The following PCDH9 variants were observed in gnomAD, a reference collection of about 807,000 sequenced individuals.
PCDH9 encodes protocadherin-9.
In PCDH9, 24 loss-of-function variants were observed where a neutral mutation model predicts 70.6. That is an observed-to-expected ratio of 0.34 (90% CI 0.25 to 0.48). The LOEUF (loss-of-function observed/expected upper bound fraction) is 0.48. Ranked by LOEUF, PCDH9 falls within the 20% of genes least tolerant of loss-of-function variation. The pLI is 0.99. For missense variants in PCDH9, 1,281 were observed against 1,503.6 expected (o/e 0.85, Z 2.45); for synonymous variants, 562 against 558.5 (o/e 1.01, Z -0.09).
intron 4 of PCDH9, among the ~76,000 whole-genome samples, chr13:66,495,412 C>T (rs1959099254): frequency 6.6e-6 from 1 of 152,086 alleles, no homozygotes; most frequent in Non-Finnish European, 1.5e-5. Flanking sequence ...TTGAAACCAG[C>T]TAAGTACATT....
At chr13:67,049,126 G>C (rs1335171251) in intron 2 of PCDH9, among the ~76,000 whole-genome samples, 1 of 152,044 alleles carries the variant, frequency 6.6e-6, no homozygotes, top group Admixed American at 6.6e-5. Context: ...AGTACTTCTT[G>C]TTCTAATGAA....
chr13:66,764,694 G>A (rs923997158), intron 3 of PCDH9, among the ~76,000 whole-genome samples: 4 of 152,036 alleles, frequency 2.6e-5, no homozygotes, highest in South Asian at 2.1e-4. Flanking sequence ...GCTCTTCAGC[G>A]TTATACAAAT....
intron 2 of PCDH9, among the ~76,000 whole-genome samples, chr13:67,103,159 T>A (rs2086467110): frequency 6.6e-6 from 1 of 152,140 alleles, no homozygotes; most frequent in Non-Finnish European, 1.5e-5. Flanking sequence ...CTAGGTACTA[T>A]ATATATTGAG....
intron 4 of PCDH9, among the ~76,000 whole-genome samples, chr13:66,455,554 A>G (rs1451998998): frequency 1.3e-5 from 2 of 152,086 alleles, no homozygotes; most frequent in Admixed American, 6.6e-5. Flanking sequence ...GAAATAATAA[A>G]TGGATAAAAT....
At chr13:66,364,085 G>C (rs1258423656) in intron 4 of PCDH9, among the ~76,000 whole-genome samples, 1 of 152,074 alleles carries the variant, frequency 6.6e-6, no homozygotes, top group African/African-American at 2.4e-5. Context: ...AACCCAGGAG[G>C]CGGTGGTTGC....
chr13:67,177,014 T>C (rs2088479736), intron 2 of PCDH9, among the ~76,000 whole-genome samples: 1 of 152,038 alleles, frequency 6.6e-6, no homozygotes, highest in Non-Finnish European at 1.5e-5. Context: ...ATGGAAGCAA[T>C]AAGCATTGCT....
At chr13:67,027,552 G>T (rs1594410522) in intron 2 of PCDH9, among the ~76,000 whole-genome samples, 1 of 151,320 alleles carries the variant, frequency 6.6e-6, no homozygotes, top group Middle Eastern at 3.5e-3. Context: ...GGCAACAAAA[G>T]CCAAAATTGA....
intron 4 of PCDH9, among the ~76,000 whole-genome samples, chr13:66,450,121 TA>T: frequency 6.6e-6 from 1 of 152,282 alleles, no homozygotes; most frequent in East Asian, 1.9e-4. Context: ...AACTACATCT[TA>T]CCCTAGAAAA....
At chr13:66,428,801 A>C (rs553195817) in intron 4 of PCDH9, among the ~76,000 whole-genome samples, 1 of 151,930 alleles carries the variant, frequency 6.6e-6, no homozygotes, top group East Asian at 1.9e-4. Context: ...CACTTATTTA[A>C]ATCAACAAAA....
At chr13:66,826,640 G>A (rs1288248370) in intron 3 of PCDH9, among the ~76,000 whole-genome samples, 4 of 151,954 alleles carry the variant, frequency 2.6e-5, no homozygotes, top group Admixed American at 6.5e-5. Flanking sequence ...GTGTGGTGAA[G>A]GCAATAAGAT....
chr13:66,678,081 T>C (rs2078269145), intron 3 of PCDH9, among the ~76,000 whole-genome samples: 1 of 152,124 alleles, frequency 6.6e-6, no homozygotes, highest in Non-Finnish European at 1.5e-5. Context: ...ATTGCAATAT[T>C]ATTGTAAGTT....
intron 4 of PCDH9, among the ~76,000 whole-genome samples, chr13:66,392,206 T>A (rs922070319): frequency 1.3e-5 from 2 of 151,834 alleles, no homozygotes; most frequent in Non-Finnish European, 2.9e-5. Context: ...AAAATATGTA[T>A]TTTTTTAAAG....
At chr13:66,559,817 A>AAAATATAT (rs71677008) in intron 4 of PCDH9, among the ~76,000 whole-genome samples, 19 of 93,088 alleles carry the variant, frequency 2.0e-4, no homozygotes, top group African/African-American at 7.9e-4. Context: ...AAAAAAAAAA[A>AAAATATAT]ATATATATAT....
intron 4 of PCDH9, among the ~76,000 whole-genome samples, chr13:66,521,912 T>C (rs749295877): frequency 7.9e-5 from 12 of 151,730 alleles, no homozygotes; most frequent in Non-Finnish European, 1.6e-4. Context: ...TATCCTGGAG[T>C]AGATTTTCAT....
chr13:66,854,473 A>C (rs961401918), intron 3 of PCDH9, among the ~76,000 whole-genome samples: 2 of 152,208 alleles, frequency 1.3e-5, no homozygotes, highest in African/African-American at 4.8e-5. Flanking sequence ...ATCAATATTC[A>C]CAACATTTTT....
intron 3 of PCDH9, among the ~76,000 whole-genome samples, chr13:66,876,448 A>G (rs1339753357): frequency 6.6e-6 from 1 of 152,166 alleles, no homozygotes; most frequent in Non-Finnish European, 1.5e-5. Context: ...AATCCGATTT[A>G]TTGACTCTAA....
intron 4 of PCDH9, among the ~76,000 whole-genome samples, chr13:66,569,174 GTATTT>G (rs780972093): frequency 4.0e-5 from 6 of 150,862 alleles, no homozygotes; most frequent in Non-Finnish European, 7.4e-5. Flanking sequence ...GCTAATTTTT[GTATTT>G]TATTTTATTT....
chr13:66,339,866 T>C (rs1463471154), intron 4 of PCDH9, among the ~76,000 whole-genome samples: 5 of 152,142 alleles, frequency 3.3e-5, no homozygotes, highest in African/African-American at 7.2e-5. Flanking sequence ...TTCTATCATA[T>C]CAGAAATGCC....
intron 3 of PCDH9, among the ~76,000 whole-genome samples, chr13:66,808,306 TA>T (rs1235622100): frequency 2.0e-5 from 3 of 152,124 alleles, no homozygotes; most frequent in Admixed American, 6.6e-5. Context: ...TTTGATACTA[TA>T]TCCTCAATAA....
Sources: gnomAD v4.1 joint callset for allele counts (sites outside exome capture counted in the v4.1 genomes callset) on GRCh38, gnomAD v4.1.1 for gene constraint, MANE v1.5 for transcripts, NCBI Gene and HGNC (gene_info 2026-07-23, HGNC 2026-07-21) for gene names.